Variants in IQCE observed in about 807,000 individuals in gnomAD.
IQCE encodes IQ motif containing E, also known as IQ domain-containing protein E.
In IQCE, 115 loss-of-function variants were observed where a neutral mutation model predicts 96.0. That is an observed-to-expected ratio of 1.20 (90% CI 1.03 to 1.40). IQCE has a LOEUF of 1.40. Ranked by LOEUF, IQCE falls within the 40% of genes most tolerant of loss-of-function variation. The pLI, the probability that IQCE is intolerant of heterozygous loss-of-function variation, is 0.00. For synonymous variants in IQCE, 412 were observed against 371.2 expected, an observed-to-expected ratio of 1.11 and a Z score of -1.26; for missense variants, 1,041 against 909.1, an observed-to-expected ratio of 1.15 and a Z score of -1.87.
rs752730275 is a variant in IQCE at position 2,605,912 on chromosome 7, C to G, written c.1780C>G (p.Gln594Glu). The G allele has an allele frequency of 1.1e-5, 18 of 1,608,186 alleles. No homozygotes were observed. Among genetic ancestry groups the G allele is most frequent in the Non-Finnish European group, 1.5e-5 (18 of 1,178,112 alleles). ...PVPRVPSPIAQATGSPVQEEA... is the reference protein window; with the variant it reads ...PVPRVPSPIAEATGSPVQEEA... ...GCCCCGCGTTCCGAGCCCCATCGCC[C>G]AGGCCACGGGCAGCCCTGTGCAGGA... Residue 594 changes from glutamine (Q) to glutamate (E), a missense_variant, in exon 20 of 22, where the codon CAG (glutamine) becomes GAG (glutamate). By Grantham distance (29) the Gln-to-Glu change is conservative. Transcript: ENST00000402050.
intron 18 of IQCE, among the ~76,000 whole-genome samples, chr7:2,602,307 T>G (rs1181190100): frequency 6.6e-6 from 1 of 152,176 alleles, no homozygotes; most frequent in Non-Finnish European, 1.5e-5. Flanking sequence ...AGCTGAGAAC[T>G]GACAGATTGA....
At chr7:2,607,302 C>T in intron 21 of IQCE, 75 bp downstream of exon 21, 1 of 1,598,698 alleles carries the variant, frequency 6.3e-7, no homozygotes, top group Non-Finnish European at 8.5e-7. Context: ...TGGCCACCTC[C>T]AGGAAGCCCG....
rs368777533 is a variant in IQCE at position 2,610,144 on chromosome 7, G to A, written c.2070G>A (p.Thr690=). The A allele has an allele frequency of 1.6e-5, 25 of 1,607,572 alleles. No individual in the cohort carries two copies. Among genetic ancestry groups the A allele is most frequent in the South Asian group, 1.5e-4 (14 of 90,976 alleles). ...DDIVIAPSLP[T]KNFPV ...TTGTCATTGCACCGTCTCTGCCCAC[G>A]AAGAACTTTCCAGTTTAGGTCCCCG... Residue 690 remains threonine (T), a synonymous_variant, in exon 22 of 22, where the codon ACG becomes ACA. Transcript: ENST00000402050.
intron 16 of IQCE, among the ~76,000 whole-genome samples, chr7:2,597,770 G>A (rs929114570): frequency 3.9e-5 from 6 of 152,168 alleles, no homozygotes; most frequent in African/African-American, 1.2e-4. Flanking sequence ...GGGCTCAAGC[G>A]ATCCTCCTGC....
At chr7:2,591,919 G>A (rs1783619201) in intron 14 of IQCE, among the ~76,000 whole-genome samples, 2 of 148,144 alleles carry the variant, frequency 1.4e-5, no homozygotes, top group Admixed American at 1.3e-4. Context: ...ACCGCACCCG[G>A]GCCTGCCTCG....
At chr7:2,583,561 C>A (rs1782842207) in intron 9 of IQCE, 76 bp from the exon 10 acceptor site, 1 of 1,146,426 alleles carries the variant, frequency 8.7e-7, no homozygotes, top group Non-Finnish European at 1.2e-6. Context: ...TCTGAACGTT[C>A]TGGGAAACTC....
intron 18 of IQCE, among the ~76,000 whole-genome samples, chr7:2,603,541 G>A (rs1176935664): frequency 6.6e-6 from 1 of 152,238 alleles, no homozygotes; most frequent in Non-Finnish European, 1.5e-5. Context: ...GAGGCTGCCT[G>A]TGTGGGGCTG....
In IQCE at chr7:2,569,416, G is replaced by A. The variant is rs186516889; in HGVS notation, c.130+417G>A. Among the ~76,000 whole-genome samples the A allele has an allele frequency of 6.6e-5, 10 of 152,308 alleles. No individual in the cohort carries two copies. In the East Asian group the frequency reaches 1.5e-3, roughly 23 times the overall value. Reference sequence around the variant, plus strand: ...AGTTACTGAGAAGGTGTAGTTGGTGGGACGGGTGGCAAGTTCACCTTTTTC... The same window carrying A: ...AGTTACTGAGAAGGTGTAGTTGGTGAGACGGGTGGCAAGTTCACCTTTTTC... On this transcript the variant is annotated intron_variant, in intron 3 of 21. Coordinates refer to ENST00000402050, the MANE Select transcript of IQCE (RefSeq NM_152558.5).
At chr7:2,605,349 G>A (rs1438705666) in intron 19 of IQCE, among the ~76,000 whole-genome samples, 5 of 152,160 alleles carry the variant, frequency 3.3e-5, no homozygotes, top group Non-Finnish European at 7.3e-5. Flanking sequence ...GGCCGGGCGC[G>A]GTGGCTCACA....
chr7:2,584,438 T>C (rs1782940786), intron 11 of IQCE, 153 bp downstream of exon 11: 2 of 763,736 alleles, frequency 2.6e-6, no homozygotes, highest in Admixed American at 1.9e-5. Context: ...AGGGTTAGAG[T>C]TGACACGTTT....
At position 2,589,894 on chromosome 7, in the gene IQCE, G is replaced by T; in HGVS notation, c.1045-13G>T. 6.2e-7 allele frequency: 1 copy of T among 1,612,716 alleles called. No homozygotes were observed. The highest frequency in any genetic ancestry group is 8.5e-7 in the Non-Finnish European group (1 of 1,179,236). On this transcript the variant is annotated splice_polypyrimidine_tract_variant and intron_variant, in intron 13 of 21. Coordinates refer to ENST00000402050, the MANE Select transcript of IQCE (RefSeq NM_152558.5). The stretch of plus-strand genomic sequence containing the variant: ...GAGAACTAGTATCTAACACATGTCT[G>T]TGTTGCCTCCAGAAACTAAGTGTGA...
intron 11 of IQCE, 79 bp downstream of exon 11, chr7:2,584,364 A>C: frequency 7.4e-7 from 1 of 1,352,756 alleles, no homozygotes; most frequent in Non-Finnish European, 1.1e-6. Context: ...TGTGGCTGTC[A>C]CGTGGGTGCG....
intron 16 of IQCE, chr7:2,598,199 A>T: frequency 2.8e-6 from 1 of 352,310 alleles, no homozygotes; most frequent in Non-Finnish European, 5.1e-6. Flanking sequence ...TCTCCCTCCC[A>T]GGAGGCACTG....
rs1785128015 is a variant in IQCE at position 2,612,184 on chromosome 7, G to A, written c.*2022G>A. On this transcript the variant is annotated 3_prime_UTR_variant, in exon 22 of 22. Coordinates refer to ENST00000402050, the MANE Select transcript of IQCE (RefSeq NM_152558.5). ...CATGGAGAGGGCTTTCCTGCCTCAG[G>A]CTTGGAGGCCAATGTTCCATACATA... 1.3e-5 allele frequency: 2 copies of A among 152,198 alleles called. No homozygotes were observed. The highest frequency in any genetic ancestry group is 1.3e-4 in the Admixed American group (2 of 15,274). The allele number at this position is 152,198 out of a possible 1,614,324, so 9.4% of individuals were successfully genotyped here. A position where few individuals can be genotyped will look rare whatever the true frequency, so the allele number is the denominator to read the frequency against.
intron 19 of IQCE, among the ~76,000 whole-genome samples, 177 bp downstream of exon 19, chr7:2,605,168 C>T (rs1387240680): frequency 6.6e-6 from 1 of 152,230 alleles, no homozygotes; most frequent in African/African-American, 2.4e-5. Flanking sequence ...GCGCAGGCCC[C>T]TCTGCACAGG....
In IQCE at chr7:2,611,259, G is replaced by A. The variant is rs572627068; in HGVS notation, c.*1097G>A. 6.6e-6 allele frequency: 1 copy of A among 152,358 alleles called. No homozygotes were observed. Among genetic ancestry groups the A allele is most frequent in the African/African-American group, 2.4e-5 (1 of 41,432 alleles). The allele number at this position is 152,358 out of a possible 1,614,324, so 9.4% of individuals were successfully genotyped here. ...CTTGTGTGTGAGATTAGCCCTTGCT[G>A]GGGCGTCAAGAGGAAGAGCCTTAGA... On this transcript the variant is annotated 3_prime_UTR_variant, in exon 22 of 22. Transcript: ENST00000402050.
At chr7:2,587,238 G>A (rs1783194509) in intron 12 of IQCE, among the ~76,000 whole-genome samples, 1 of 151,800 alleles carries the variant, frequency 6.6e-6, no homozygotes, top group South Asian at 2.1e-4. Context: ...GAAAGGCCAC[G>A]GGAGGTCTGA....
intron 21 of IQCE, 129 bp downstream of exon 21, chr7:2,607,356 C>A: frequency 6.9e-7 from 1 of 1,439,394 alleles, no homozygotes. Flanking sequence ...TCTGGAGCTG[C>A]CTCTGAACTA....
chr7:2,598,168 G>A (rs1029759423), intron 16 of IQCE: 1 of 304,764 alleles, frequency 3.3e-6, no homozygotes, highest in African/African-American at 2.2e-5. Context: ...GTGTGTGACG[G>A]CCGTGTGAAG....
Sources: allele counts gnomAD v4.1 joint callset (sites outside exome capture counted in the v4.1 genomes callset), GRCh38; gene constraint gnomAD v4.1.1; transcripts MANE v1.5; gene names NCBI Gene and HGNC (gene_info 2026-07-23, HGNC 2026-07-21).